Variants in PDE8A observed in about 807,000 individuals in gnomAD.
The protein encoded by PDE8A is phosphodiesterase 8A, also known as high affinity cAMP-specific and IBMX-insensitive 3',5'-cyclic phosphodiesterase 8A.
Under a neutral mutation model 105.0 loss-of-function variants are expected in PDE8A, and 59 were observed. The observed-to-expected ratio is 0.56, with a 90% CI of 0.46 to 0.70. The LOEUF is 0.70. Among genes scored for constraint, PDE8A ranks in the 30% least tolerant of loss-of-function variants. The pLI, the probability that PDE8A is intolerant of heterozygous loss-of-function variation, is 0.00. For synonymous variants in PDE8A, 355 were observed against 371.9 expected (o/e 0.95, Z 0.52); for missense variants, 1,014 against 1,045.9 (o/e 0.97, Z 0.42).
chr15:85,117,734 A>G lies in PDE8A; in HGVS notation c.1629A>G (p.Gln543=). The part of the protein sequence containing the change: ...CSESTLRSWL[Q]IIEANYHSSN... ...AGTCAACGCTAAGATCATGGTTACA[A>G]ATTATCGAAGCCAATTATCATTCCT... The change falls in exon 17 of 22, where the codon CAA becomes CAG. Residue 543 remains glutamine, a synonymous_variant. Coordinates refer to ENST00000394553, the MANE Select transcript of PDE8A (RefSeq NM_002605.3). The G allele has an allele frequency of 6.2e-7, 1 of 1,613,994 alleles. No individual in the cohort carries two copies. Among genetic ancestry groups the G allele is most frequent in the African/African-American group, 1.3e-5 (1 of 75,046 alleles).
intron 3 of PDE8A, among the ~76,000 whole-genome samples, chr15:85,069,055 G>T (rs1399603138): frequency 6.6e-6 from 1 of 152,070 alleles, no homozygotes; most frequent in Non-Finnish European, 1.5e-5. Flanking sequence ...ATAAAATGAA[G>T]TTCTTGTCTT....
chr15:85,034,323 G>C (rs1312248701), intron 1 of PDE8A, among the ~76,000 whole-genome samples: 5 of 152,124 alleles, frequency 3.3e-5, no homozygotes, highest in Admixed American at 3.3e-4. Flanking sequence ...TTGGAATCTA[G>C]TCGAAGATAA....
chr15:85,083,157 C>T (rs3816104), intron 5 of PDE8A, among the ~76,000 whole-genome samples: 6 of 151,992 alleles, frequency 3.9e-5, no homozygotes, highest in Non-Finnish European at 7.4e-5. Context: ...GACTTTAAAG[C>T]GGACCAAATA....
At position 85,117,721 on chromosome 15, in the gene PDE8A, G is replaced by T. The variant is rs1428742246; in HGVS notation, c.1616G>T (p.Arg539Ile). ...EFLHCSESTL[R>I]SWLQIIEANY... ...TTACACTGCTCCGAGTCAACGCTAA[G>T]ATCATGGTTACAAATTATCGAAGCC... The change falls in exon 17 of 22, where the codon AGA (arginine) becomes ATA (isoleucine). Residue 539 changes from arginine to isoleucine, a missense_variant. Arg to Ile is a moderately conservative substitution (Grantham distance 97). Transcript: ENST00000394553. 1.2e-6 allele frequency: 2 copies of T among 1,614,010 alleles called. No homozygotes were observed. The highest frequency in any genetic ancestry group is 2.2e-5 in the South Asian group (2 of 91,076).
At chr15:84,989,487 G>A (rs1427617202) in intron 1 of PDE8A, among the ~76,000 whole-genome samples, 1 of 152,208 alleles carries the variant, frequency 6.6e-6, no homozygotes, top group African/African-American at 2.4e-5. Context: ...TTCCCAGGTT[G>A]TCTGCAAAGG....
chr15:85,062,451 G>A (rs1175656403), intron 1 of PDE8A: 1 of 152,196 alleles, frequency 6.6e-6, no homozygotes, highest in Non-Finnish European at 1.5e-5. Flanking sequence ...GGGGATAAAA[G>A]AGAAAAATGA....
intron 1 of PDE8A, among the ~76,000 whole-genome samples, chr15:85,055,086 G>C (rs1186570198): frequency 9.0e-6 from 1 of 110,950 alleles, no homozygotes; most frequent in Non-Finnish European, 2.3e-5. Context: ...AGTCATTCGG[G>C]AGCAGGTTGT....
At chr15:85,091,655 C>T (rs1190303170) in intron 8 of PDE8A, among the ~76,000 whole-genome samples, 1 of 152,136 alleles carries the variant, frequency 6.6e-6, no homozygotes, top group South Asian at 2.1e-4. Flanking sequence ...AACAAAAATT[C>T]CTGCCTTAGA....
At chr15:85,084,356 T>G (rs1441617033) in intron 6 of PDE8A, among the ~76,000 whole-genome samples, 1 of 151,788 alleles carries the variant, frequency 6.6e-6, no homozygotes, top group Admixed American at 6.6e-5. Flanking sequence ...ATAGGTACTT[T>G]ATAGACAAAA....
intron 1 of PDE8A, among the ~76,000 whole-genome samples, chr15:85,050,943 T>C (rs1256006567): frequency 6.6e-6 from 1 of 152,232 alleles, no homozygotes; most frequent in Non-Finnish European, 1.5e-5. Context: ...AATTTGTGAA[T>C]GTGGGATATG....
At chr15:85,025,955 A>G in intron 1 of PDE8A, among the ~76,000 whole-genome samples, 1 of 152,126 alleles carries the variant, frequency 6.6e-6, no homozygotes, top group South Asian at 2.1e-4. Context: ...CACCCATCCC[A>G]TCCATCCCTA....
chr15:84,981,614 G>T (rs1010109592), upstream of PDE8A, among the ~76,000 whole-genome samples: 1 of 152,104 alleles, frequency 6.6e-6, no homozygotes, highest in African/African-American at 2.4e-5. Context: ...CGGCCTGGGG[G>T]GGCTTTTCCG....
At chr15:85,021,566 A>T (rs921159031) in intron 1 of PDE8A, among the ~76,000 whole-genome samples, 10 of 152,150 alleles carry the variant, frequency 6.6e-5, no homozygotes, top group Admixed American at 5.9e-4. Flanking sequence ...TCTTAAAAAA[A>T]AAAAGTTACC....
chr15:85,093,278 ACCTTTGT>A (rs1279095299), intron 8 of PDE8A, among the ~76,000 whole-genome samples: 1 of 152,150 alleles, frequency 6.6e-6, no homozygotes, highest in Non-Finnish European at 1.5e-5. Flanking sequence ...TGGAAAAGCA[ACCTTTGT>A]CCTTTGTCAG....
chr15:84,991,063 T>G (rs1203805919), intron 1 of PDE8A, among the ~76,000 whole-genome samples: 4 of 152,244 alleles, frequency 2.6e-5, no homozygotes, highest in African/African-American at 7.2e-5. Context: ...TTTAATACTT[T>G]TTTATTAAAA....
intron 1 of PDE8A, among the ~76,000 whole-genome samples, chr15:85,012,262 A>G (rs12915883): frequency 2.0e-5 from 3 of 152,186 alleles, no homozygotes; most frequent in South Asian, 2.1e-4. Context: ...TGTTTATTGC[A>G]GCACTATTCA....
chr15:85,039,267 C>T (rs2080761791), intron 1 of PDE8A, among the ~76,000 whole-genome samples: 1 of 151,770 alleles, frequency 6.6e-6, no homozygotes, highest in African/African-American at 2.4e-5. Context: ...TTCTATAGAA[C>T]ACAAAGTAAA....
At chr15:85,077,595 C>T (rs552577798) in intron 5 of PDE8A, among the ~76,000 whole-genome samples, 10 of 152,198 alleles carry the variant, frequency 6.6e-5, no homozygotes, top group Middle Eastern at 3.4e-3. Flanking sequence ...CAAGGGCAGC[C>T]GGCAGCAGTC....
rs1454097023 is a variant in PDE8A, at chr15:85,100,035, C to G, written c.962C>G (p.Ser321Cys). The G allele has an allele frequency of 6.2e-7, 1 of 1,613,142 alleles. No individual in the cohort carries two copies. The highest frequency in any genetic ancestry group is 8.5e-7 in the Non-Finnish European group (1 of 1,179,508). Residue 321 changes from serine (S) to cysteine (C), a missense_variant, in exon 10 of 22, where the codon TCC becomes TGC. Physicochemically the swap from Ser to Cys is moderately radical, Grantham distance 112. Transcript: ENST00000394553. ...TGCAGAAAAATTAGACACTATGTGTCCATTATCAGAGTGTGCAATGGCAAC... is the reference window on the plus strand; with the variant it reads ...TGCAGAAAAATTAGACACTATGTGTGCATTATCAGAGTGTGCAATGGCAAC... The part of the protein sequence containing the change: ...GQGGKIRHYV[S>C]IIRVCNGNNK...
Sources: allele counts gnomAD v4.1 joint callset (sites outside exome capture counted in the v4.1 genomes callset), GRCh38; gene constraint gnomAD v4.1.1; transcripts MANE v1.5; gene names NCBI Gene and HGNC (gene_info 2026-07-23, HGNC 2026-07-21).